The following NCAM2 variants were observed in gnomAD, a reference collection of about 807,000 sequenced individuals.
The protein encoded by NCAM2 is N-CAM-2.
Under a neutral mutation model 98.1 loss-of-function variants are expected in NCAM2, and 30 were observed. The observed-to-expected ratio is 0.31, with a 90% confidence interval of 0.23 to 0.41. The LOEUF (loss-of-function observed/expected upper bound fraction) is 0.41. Among genes scored for constraint, NCAM2 ranks in the 10% least tolerant of loss-of-function variants. The pLI is 1.00. For missense variants in NCAM2, 867 were observed against 1,005.8 expected (o/e 0.86, Z 1.87); for synonymous variants, 368 against 342.4 (o/e 1.07, Z -0.83).
At chr21:21,435,818 T>G (rs757688535) in intron 12 of NCAM2, among the ~76,000 whole-genome samples, 1 of 152,214 alleles carries the variant, frequency 6.6e-6, no homozygotes, top group Non-Finnish European at 1.5e-5. Flanking sequence ...TCTCAAATGG[T>G]GATGTGATCT....
At chr21:21,494,858 G>A (rs938613925) in intron 15 of NCAM2, among the ~76,000 whole-genome samples, 6 of 151,258 alleles carry the variant, frequency 4.0e-5, no homozygotes, top group South Asian at 2.1e-4. Flanking sequence ...TTAGTACTTT[G>A]TGATATTTAT....
intron 12 of NCAM2, among the ~76,000 whole-genome samples, chr21:21,464,694 GT>G (rs1983445655): frequency 6.6e-6 from 1 of 152,046 alleles, no homozygotes; most frequent in South Asian, 2.1e-4. Flanking sequence ...AGCAACCTTG[GT>G]TAAATTTCCT....
intron 11 of NCAM2, among the ~76,000 whole-genome samples, chr21:21,427,909 G>A (rs1202551344): frequency 6.6e-6 from 1 of 152,142 alleles, no homozygotes; most frequent in African/African-American, 2.4e-5. Context: ...GAGTTTTAAC[G>A]TATTCTAGGG....
At chr21:21,287,178 C>T (rs1461086736) in intron 4 of NCAM2, among the ~76,000 whole-genome samples, 1 of 151,872 alleles carries the variant, frequency 6.6e-6, no homozygotes, top group East Asian at 1.9e-4. Flanking sequence ...TTCAATGCAC[C>T]TGCACAGCAG....
chr21:21,390,675 A>G lies in NCAM2; in HGVS notation c.1195+16662A>G, dbSNP rs967505903. On this transcript the variant is annotated intron_variant, in intron 9 of 17. Transcript: ENST00000400546. ...ATTAAAGACAAGAATTGAGTTTGTT[A>G]TATATTTTTCTTTATTCAAATCATT... 5.3e-5 allele frequency among the ~76,000 whole-genome samples: 8 copies of G among 152,340 alleles called. No individual in the cohort carries two copies. The South Asian group carries it at 1.2e-3, about 24-fold the overall frequency.
intron 5 of NCAM2, among the ~76,000 whole-genome samples, chr21:21,308,879 C>T (rs1196637002): frequency 3.3e-5 from 5 of 151,562 alleles, no homozygotes; most frequent in Non-Finnish European, 7.4e-5. Flanking sequence ...TGGATATTCT[C>T]TCTTATTACA....
intron 1 of NCAM2, among the ~76,000 whole-genome samples, chr21:21,188,713 G>A (rs1470105604): frequency 2.0e-5 from 3 of 152,162 alleles, no homozygotes; most frequent in Admixed American, 6.5e-5. Flanking sequence ...TAATGCCAGT[G>A]AATTGCAGGG....
chr21:21,251,789 C>A (rs1299943961), intron 1 of NCAM2, among the ~76,000 whole-genome samples: 1 of 126,796 alleles, frequency 7.9e-6, no homozygotes, highest in South Asian at 2.4e-4. Flanking sequence ...CTTTTAGATT[C>A]TGGATTTTAG....
intron 1 of NCAM2, among the ~76,000 whole-genome samples, chr21:21,031,204 G>A (rs1415635014): frequency 1.3e-5 from 2 of 152,010 alleles, no homozygotes; most frequent in Non-Finnish European, 2.9e-5. Context: ...AACATGCATT[G>A]TTTTACTGTT....
At chr21:21,283,929 A>G (rs528804415) in intron 2 of NCAM2, among the ~76,000 whole-genome samples, 5 of 152,078 alleles carry the variant, frequency 3.3e-5, no homozygotes, top group South Asian at 2.1e-4. Context: ...TTCAACAATC[A>G]TAGCTTAAAT....
At chr21:21,473,602 T>A (rs992848331) in intron 14 of NCAM2, among the ~76,000 whole-genome samples, 2 of 151,760 alleles carry the variant, frequency 1.3e-5, no homozygotes, top group African/African-American at 4.8e-5. Flanking sequence ...AAACTTCATC[T>A]TGCTTATATG....
At chr21:21,344,382 G>A (rs2075131313) in intron 8 of NCAM2, among the ~76,000 whole-genome samples, 1 of 152,100 alleles carries the variant, frequency 6.6e-6, no homozygotes, top group African/African-American at 2.4e-5. Flanking sequence ...GCCATTTCTG[G>A]ACCTGCTGTG....
At chr21:21,432,647 G>T (rs1416654372) in intron 12 of NCAM2, among the ~76,000 whole-genome samples, 1 of 151,654 alleles carries the variant, frequency 6.6e-6, no homozygotes, top group Non-Finnish European at 1.5e-5. Flanking sequence ...GTGTGAAAAT[G>T]ATACTGCAAA....
rs950287350 is a variant in NCAM2 at position 21,481,075 on chromosome 21, T to C, written c.2077+3604T>C. Among the ~76,000 whole-genome samples the C allele has an allele frequency of 2.6e-5, 4 of 152,164 alleles. 1 individual carries two copies. The highest frequency in any genetic ancestry group is 2.0e-4 in the Admixed American group (3 of 15,278). ...TGTCAGTGTTAACAGGTGAATGGTA[T>C]GTGAGTGAGGGTAAACCCGTCTAAG... On this transcript the variant is annotated intron_variant, in intron 15 of 17. Transcript: ENST00000400546.
At chr21:21,376,644 T>A (rs886843167) in intron 9 of NCAM2, among the ~76,000 whole-genome samples, 2 of 151,864 alleles carry the variant, frequency 1.3e-5, no homozygotes, top group African/African-American at 4.8e-5. Context: ...ATACCATGAA[T>A]TAATAACTTT....
chr21:21,252,674 C>T (rs899731676), intron 1 of NCAM2, among the ~76,000 whole-genome samples: 63 of 152,248 alleles, frequency 4.1e-4, no homozygotes, highest in African/African-American at 1.4e-3. Flanking sequence ...ACTCTTACTA[C>T]ATTTTTAAAC....
intron 1 of NCAM2, among the ~76,000 whole-genome samples, chr21:21,150,590 A>C (rs528610034): frequency 3.9e-5 from 6 of 152,070 alleles, no homozygotes; most frequent in African/African-American, 1.4e-4. Flanking sequence ...TATCTTTATG[A>C]TCATATGGTT....
chr21:21,027,688 G>A (rs1260492058), intron 1 of NCAM2, among the ~76,000 whole-genome samples: 1 of 152,082 alleles, frequency 6.6e-6, no homozygotes, highest in African/African-American at 2.4e-5. Context: ...TTACATTACA[G>A]GTGTTTAGCC....
intron 12 of NCAM2, among the ~76,000 whole-genome samples, chr21:21,444,183 T>G (rs1979738991): frequency 6.6e-6 from 1 of 152,186 alleles, no homozygotes; most frequent in Non-Finnish European, 1.5e-5. Flanking sequence ...GAGATGAAGC[T>G]GACTTGATCA....
Sources: gnomAD v4.1 joint callset for allele counts (sites outside exome capture counted in the v4.1 genomes callset) on GRCh38, gnomAD v4.1.1 for gene constraint, MANE v1.5 for transcripts, NCBI Gene and HGNC (gene_info 2026-07-23, HGNC 2026-07-21) for gene names.